Variants in RBFOX1 observed in about 807,000 individuals in gnomAD.
The protein encoded by RBFOX1 is RNA binding protein fox-1 homolog 1.
In RBFOX1, 8 loss-of-function variants were observed where a neutral mutation model predicts 57.7. The observed-to-expected ratio is 0.14, with a 90% confidence interval of 0.08 to 0.25. The LOEUF (loss-of-function observed/expected upper bound fraction) is 0.25. Ranked by LOEUF, RBFOX1 falls within the 10% of genes least tolerant of loss-of-function variation. RBFOX1 has a pLI of 1.00. For synonymous variants in RBFOX1, 326 were observed against 222.4 expected, an observed-to-expected ratio of 1.47 and a Z score of -4.15; for missense variants, 611 against 548.5, an observed-to-expected ratio of 1.11 and a Z score of -1.14.
intron 3 of RBFOX1, among the ~76,000 whole-genome samples, chr16:6,825,322 G>C (rs2091982130): frequency 6.6e-6 from 1 of 150,968 alleles, no homozygotes; most frequent in African/African-American, 2.4e-5. Flanking sequence ...GTTCCCCTGG[G>C]GACAAAAATG....
intron 2 of RBFOX1, among the ~76,000 whole-genome samples, chr16:5,470,641 G>T (rs1042544416): frequency 1.3e-5 from 2 of 152,000 alleles, no homozygotes; most frequent in African/African-American, 2.4e-5. Flanking sequence ...GAGCAACTGG[G>T]TCTCATCATC....
intron 1 of RBFOX1, among the ~76,000 whole-genome samples, chr16:6,287,334 T>G (rs1209952082): frequency 6.6e-6 from 1 of 152,188 alleles, no homozygotes; most frequent in Non-Finnish European, 1.5e-5. Context: ...TTGTTCGGAC[T>G]TGAAGTGATC....
chr16:6,127,809 C>T (rs2096600820), intron 1 of RBFOX1, among the ~76,000 whole-genome samples: 1 of 152,148 alleles, frequency 6.6e-6, no homozygotes, highest in African/African-American at 2.4e-5. Context: ...GTAACAGCTA[C>T]TTTGGTTTGC....
intron 1 of RBFOX1, among the ~76,000 whole-genome samples, chr16:6,128,630 G>C (rs2152666220): frequency 6.6e-6 from 1 of 152,330 alleles, no homozygotes; most frequent in South Asian, 2.1e-4. Flanking sequence ...TTTGGGGTCA[G>C]GTGCCACAAA....
intron 4 of RBFOX1, among the ~76,000 whole-genome samples, chr16:7,161,197 T>C (rs1469709886): frequency 1.3e-5 from 2 of 152,146 alleles, no homozygotes; most frequent in Non-Finnish European, 2.9e-5. Context: ...AGCAGGACTA[T>C]GTGGATGATG....
At chr16:7,088,039 C>A (rs763457589) in intron 4 of RBFOX1, among the ~76,000 whole-genome samples, 3 of 152,016 alleles carry the variant, frequency 2.0e-5, no homozygotes, top group African/African-American at 7.2e-5. Context: ...TACATGTGCT[C>A]GCATTTCCAG....
chr16:7,510,442 A>T, intron 4 of RBFOX1: 2 of 729,356 alleles, frequency 2.7e-6, no homozygotes. Flanking sequence ...TGCCCGGGGA[A>T]AGGAGAGGAG....
At chr16:6,663,878 A>G (rs955347797) in intron 3 of RBFOX1, among the ~76,000 whole-genome samples, 1 of 152,166 alleles carries the variant, frequency 6.6e-6, no homozygotes, top group African/African-American at 2.4e-5. Flanking sequence ...TGACTAAGGA[A>G]CTGAATACAC....
At chr16:5,594,661 A>C (rs1370624461) in intron 2 of RBFOX1, among the ~76,000 whole-genome samples, 1 of 152,116 alleles carries the variant, frequency 6.6e-6, no homozygotes, top group African/African-American at 2.4e-5. Context: ...AGCATCTCCA[A>C]AGGAGACAGT....
At chr16:5,252,571 C>T (rs1450819245) in intron 1 of RBFOX1, among the ~76,000 whole-genome samples, 4 of 152,136 alleles carry the variant, frequency 2.6e-5, no homozygotes, top group Non-Finnish European at 4.4e-5. Context: ...TTAGTGGCAC[C>T]TAGAGGCTGT....
chr16:6,844,465 CGTTA>C (rs1276216578), intron 3 of RBFOX1, among the ~76,000 whole-genome samples: 3 of 152,098 alleles, frequency 2.0e-5, no homozygotes, highest in Non-Finnish European at 2.9e-5. Context: ...TCTGTTCCTG[CGTTA>C]GTTATCTTCC....
At chr16:6,648,652 CA>C (rs1268276392) in intron 2 of RBFOX1, among the ~76,000 whole-genome samples, 19 of 152,070 alleles carry the variant, frequency 1.2e-4, no homozygotes, top group African/African-American at 4.6e-4. Flanking sequence ...ATTTTGGATT[CA>C]GTAACTGAGG....
intron 2 of RBFOX1, among the ~76,000 whole-genome samples, chr16:6,542,561 C>T (rs1011364727): frequency 4.5e-5 from 6 of 132,594 alleles, no homozygotes; most frequent in African/African-American, 1.7e-4. Flanking sequence ...CTTTTCTCGG[C>T]TCACTGCAAG....
chr16:7,075,484 G>C (rs1348967162), intron 4 of RBFOX1, among the ~76,000 whole-genome samples: 1 of 152,120 alleles, frequency 6.6e-6, no homozygotes, highest in African/African-American at 2.4e-5. Context: ...GAAATATCTA[G>C]ATTTTTTTTG....
At chr16:7,316,424 A>G (rs2096440516) in intron 4 of RBFOX1, among the ~76,000 whole-genome samples, 1 of 152,184 alleles carries the variant, frequency 6.6e-6, no homozygotes, top group Non-Finnish European at 1.5e-5. Flanking sequence ...AAGTCACCTC[A>G]AATCTGATTA....
chr16:7,477,323 C>T (rs1478911078), intron 4 of RBFOX1, among the ~76,000 whole-genome samples: 1 of 152,148 alleles, frequency 6.6e-6, no homozygotes, highest in Non-Finnish European at 1.5e-5. Flanking sequence ...TCATCTATTT[C>T]AGTTTGTATC....
intron 2 of RBFOX1, among the ~76,000 whole-genome samples, chr16:6,323,778 C>CT (rs375991151): frequency 0.023 from 3,280 of 144,314 alleles, 120 homozygotes; most frequent in African/African-American, 0.073. Context: ...GAAGTCTGTG[C>CT]TTTTTTTTTT....
At chr16:7,501,539 G>A (rs1666803074) in intron 4 of RBFOX1, among the ~76,000 whole-genome samples, 1 of 152,130 alleles carries the variant, frequency 6.6e-6, no homozygotes, top group Non-Finnish European at 1.5e-5. Flanking sequence ...TAGCCTCCAG[G>A]TCTTCAGCCC....
At chr16:7,708,888 A>C (rs979902147) in intron 14 of RBFOX1, among the ~76,000 whole-genome samples, 168 bp from the exon 15 acceptor site, 1 of 152,214 alleles carries the variant, frequency 6.6e-6, no homozygotes, top group Non-Finnish European at 1.5e-5. Flanking sequence ...CAAAAAATGT[A>C]TCATGTACAG....
Sources: gnomAD v4.1 joint callset for allele counts (sites outside exome capture counted in the v4.1 genomes callset) on GRCh38, gnomAD v4.1.1 for gene constraint, MANE v1.5 for transcripts, NCBI Gene and HGNC (gene_info 2026-07-23, HGNC 2026-07-21) for gene names.